Variants in IQCB1 observed in about 807,000 individuals in gnomAD.
IQCB1 encodes IQ calmodulin-binding motif-containing protein 1.
Under a neutral mutation model 84.4 loss-of-function variants are expected in IQCB1, and 56 were observed. That is an observed-to-expected ratio of 0.66 (90% CI 0.54 to 0.83). The LOEUF is 0.83. Ranked by LOEUF, IQCB1 falls within the 40% of genes least tolerant of loss-of-function variation. IQCB1 has a pLI of 0.00. For synonymous variants in IQCB1, 210 were observed against 234.8 expected (o/e 0.89, Z 0.96); for missense variants, 629 against 682.1 (o/e 0.92, Z 0.87).
At chr3:121,807,535 A>G in intron 6 of IQCB1, 92 bp from the exon 7 acceptor site, 1 of 699,590 alleles carries the variant, frequency 1.4e-6, no homozygotes, top group Non-Finnish European at 2.6e-6. Flanking sequence ...TCAAAGCATG[A>G]CCATCTCTGC....
At chr3:121,799,433 C>T (rs2108571827) in intron 7 of IQCB1, 59 bp from the exon 8 acceptor site, 2 of 1,029,646 alleles carry the variant, frequency 1.9e-6, no homozygotes, top group Middle Eastern at 2.1e-4. Context: ...GGTATCACAA[C>T]AAATCTAAAA....
intron 8 of IQCB1, 70 bp from the exon 9 acceptor site, chr3:121,797,297 A>G: frequency 1.5e-6 from 1 of 689,066 alleles, no homozygotes; most frequent in Non-Finnish European, 2.4e-6. Context: ...TCTAATCAGT[A>G]TTAATTTGAA....
At chr3:121,780,768 A>C (rs1311100999) in intron 13 of IQCB1, among the ~76,000 whole-genome samples, 1 of 152,220 alleles carries the variant, frequency 6.6e-6, no homozygotes, top group East Asian at 1.9e-4. Flanking sequence ...TGAAAGGGTG[A>C]ATGATAGGAC....
chr3:121,824,150 C>A (rs115361335), intron 5 of IQCB1, among the ~76,000 whole-genome samples: 1,556 of 152,264 alleles, frequency 0.01, 19 homozygotes, highest in African/African-American at 0.035. Context: ...GTACAATAGT[C>A]TCCCCCTTAT....
At position 121,781,769 on chromosome 3, in the gene IQCB1, C is replaced by T. The variant is rs1948505315; in HGVS notation, c.1384G>A (p.Val462Met). The T allele has an allele frequency of 4.3e-6, 7 of 1,613,656 alleles. No homozygotes were observed. The African/African-American group carries it at 8.0e-5, about 18-fold the overall frequency. ...DARRVELKKR[V>M]DDYVRRHLGS... ...AAATGTCTTCTGACATAGTCATCCACTCGTTTCTTCAGTTCAACTCGGCGT... is the reference window on the plus strand; with the variant it reads ...AAATGTCTTCTGACATAGTCATCCATTCGTTTCTTCAGTTCAACTCGGCGT... The change falls in exon 13 of 15, where the codon GTG becomes ATG. Residue 462 changes from valine to methionine, a missense_variant. Transcript: ENST00000310864.
intron 12 of IQCB1, among the ~76,000 whole-genome samples, chr3:121,786,082 G>A (rs188867249): frequency 0.013 from 1,955 of 148,644 alleles, 42 homozygotes; most frequent in Non-Finnish European, 0.016. Context: ...GAGGTGGGAG[G>A]ATCTCTTGAG....
intron 7 of IQCB1, among the ~76,000 whole-genome samples, chr3:121,802,837 A>G (rs1251287725): frequency 6.6e-6 from 1 of 152,130 alleles, no homozygotes; most frequent in African/African-American, 2.4e-5. Context: ...TTAATTAAGA[A>G]TTTCCCCAGA....
rs1184359104 is a variant in IQCB1, at chr3:121,790,101, C to G, written c.1101G>C (p.Gln367His). Residue 367 changes from glutamine (Q) to histidine (H), a missense_variant, in exon 11 of 15, where the codon CAG (glutamine) becomes CAC (histidine). Physicochemically the swap from Gln to His is conservative, Grantham distance 24 (BLOSUM62 0). Coordinates refer to ENST00000310864, the MANE Select transcript of IQCB1 (RefSeq NM_001023570.4). ...GATGAACTATTTCGAGCATACTCAGCTGCAATTCTCGGGAAAGTCTCATGG... is the reference window on the plus strand; with the variant it reads ...GATGAACTATTTCGAGCATACTCAGGTGCAATTCTCGGGAAAGTCTCATGG... The part of the protein sequence containing the change: ...QRAMRLSREL[Q>H]LSMLEIVHPG... The G allele has an allele frequency of 3.7e-6, 6 of 1,613,456 alleles. No individual in the cohort carries two copies. Among genetic ancestry groups the G allele is most frequent in the South Asian group, 1.1e-5 (1 of 91,072 alleles).
intron 12 of IQCB1, among the ~76,000 whole-genome samples, chr3:121,784,163 C>T (rs1403097244): frequency 6.7e-6 from 1 of 149,084 alleles, no homozygotes; most frequent in Non-Finnish European, 1.5e-5. Context: ...GTTTGACCTC[C>T]TAGACTGGTA....
In IQCB1 at chr3:121,807,333, A is replaced by C. The variant is rs571543000; in HGVS notation, c.587+11T>G. The C allele has an allele frequency of 7.3e-6, 10 of 1,365,088 alleles. No individual in the cohort carries two copies. In the African/African-American group the frequency reaches 1.4e-4, roughly 20 times the overall value. 84.6% of individuals were successfully genotyped at this position (1,365,088 alleles called of 1,614,324 possible). On this transcript the variant is annotated intron_variant, in intron 7 of 14. Transcript: ENST00000310864. ...AAAAAAAGCAGTAACATTTTGTAAA[A>C]ACCAAGTCACCTGTTGATCTGTAGT... is the stretch of plus-strand genomic sequence containing the variant.
In IQCB1 at chr3:121,770,282, C is replaced by T. The variant is rs1173669442; in HGVS notation, c.*63G>A. ...GGATGGCCCTAGTCTACCAGCATGCCAGAGGCAGAACCAATATAATCTCCT... is the reference window on the plus strand; with the variant it reads ...GGATGGCCCTAGTCTACCAGCATGCTAGAGGCAGAACCAATATAATCTCCT... On this transcript the variant is annotated 3_prime_UTR_variant, in exon 15 of 15. Coordinates refer to ENST00000310864, the MANE Select transcript of IQCB1 (RefSeq NM_001023570.4). 9 of 1,155,432 alleles carry T rather than the reference C, an allele frequency of 7.8e-6. No homozygotes were observed. Among genetic ancestry groups the T allele is most frequent in the Middle Eastern group, 1.9e-4 (1 of 5,136 alleles). The allele number at this position is 1,155,432 out of a possible 1,614,324, so 71.6% of individuals were successfully genotyped here. A position where few individuals can be genotyped will look rare whatever the true frequency, so the allele number is the denominator to read the frequency against.
chr3:121,828,695 T>TG (rs1458618189), intron 3 of IQCB1, 63 bp from the exon 4 acceptor site: 3 of 1,215,464 alleles, frequency 2.5e-6, no homozygotes, highest in Admixed American at 3.8e-5. Context: ...CTATTTGTAT[T>TG]TTTATATGTT....
chr3:121,834,918 G>A (rs1027354269), intron 1 of IQCB1, 48 bp downstream of exon 1: 18 of 327,562 alleles, frequency 5.5e-5, no homozygotes, highest in Middle Eastern at 9.9e-4. Context: ...CTCCTGGTAG[G>A]CGCCCTGGGG....
chr3:121,823,980 C>T (rs1950362874), intron 5 of IQCB1, among the ~76,000 whole-genome samples: 2 of 152,018 alleles, frequency 1.3e-5, no homozygotes, highest in Non-Finnish European at 2.9e-5. Context: ...AGAATTAAAC[C>T]TAACCATAGC....
intron 5 of IQCB1, among the ~76,000 whole-genome samples, chr3:121,817,877 GCTCCCT>G (rs1157386430): frequency 6.6e-6 from 1 of 152,006 alleles, no homozygotes; most frequent in Non-Finnish European, 1.5e-5. Context: ...AGACAAGAGA[GCTCCCT>G]CTCCCTCTCC....
intron 5 of IQCB1, 60 bp from the exon 6 acceptor site, chr3:121,809,069 TTA>T: frequency 3.2e-6 from 3 of 935,046 alleles, no homozygotes; most frequent in Admixed American, 2.3e-5. Context: ...TTTTTTTTTT[TTA>T]AGGAGACTTC....
chr3:121,825,036 C>A (rs1218728267), intron 5 of IQCB1, among the ~76,000 whole-genome samples: 1 of 149,982 alleles, frequency 6.7e-6, no homozygotes, highest in African/African-American at 2.5e-5. Flanking sequence ...TGGAACTGTG[C>A]AAAACAAAGG....
chr3:121,789,647 ATCT>A (rs1005535834), intron 11 of IQCB1, among the ~76,000 whole-genome samples: 2 of 152,234 alleles, frequency 1.3e-5, no homozygotes, highest in Admixed American at 1.3e-4. Flanking sequence ...CTCAGACCAC[ATCT>A]TCTTATTAAT....
At chr3:121,799,848 T>C (rs1210228912) in intron 7 of IQCB1, among the ~76,000 whole-genome samples, 1 of 151,900 alleles carries the variant, frequency 6.6e-6, no homozygotes. Context: ...TCCTTCATTA[T>C]ACTAACAACC....
Sources: gnomAD v4.1 joint callset for allele counts (sites outside exome capture counted in the v4.1 genomes callset) on GRCh38, gnomAD v4.1.1 for gene constraint, MANE v1.5 for transcripts, NCBI Gene and HGNC (gene_info 2026-07-23, HGNC 2026-07-21) for gene names.